MTG1: variants seen among roughly 807,000 people sequenced by gnomAD.
The protein encoded by MTG1 is mitochondrial ribosome associated GTPase 1.
A neutral mutation model predicts 39.5 loss-of-function variants in MTG1; 30 were observed. The observed-to-expected ratio is 0.76, with a 90% confidence interval of 0.57 to 1.03. The LOEUF (loss-of-function observed/expected upper bound fraction) is 1.03, where lower values mean the gene tolerates loss of function less well. Among genes scored for constraint, MTG1 ranks in the 50% least tolerant of loss-of-function variants. The pLI, the probability that MTG1 is intolerant of heterozygous loss-of-function variation, is 0.00. For missense variants in MTG1, 513 were observed against 447.4 expected, an observed-to-expected ratio of 1.15 and a Z score of -1.32; for synonymous variants, 217 against 179.0, an observed-to-expected ratio of 1.21 and a Z score of -1.69.
rs571829072 is a variant in MTG1, at chr10:133,402,619, G to A, written c.671-73G>A. On this transcript the variant is annotated intron_variant, in intron 8 of 10. Transcript: ENST00000317502. The surrounding 1 kb of genome is among the most constrained non-coding windows in gnomAD (Gnocchi z 4.7). ...CGGTGTCTTTGGGCTAGGACTGGAA[G>A]GGATGTGTTTGAACTTGGCAGGAAC... 4,163 of 1,340,342 alleles carry A rather than the reference G, an allele frequency of 3.1e-3. 7 individuals are homozygous for A. The highest frequency in any genetic ancestry group is 3.5e-3 in the Non-Finnish European group (3,327 of 960,322). 83.0% of individuals were successfully genotyped at this position (1,340,342 alleles called of 1,614,324 possible). A position where few individuals can be genotyped will look rare whatever the true frequency, so the allele number is the denominator to read the frequency against.
In MTG1 at chr10:133,419,229, G is replaced by GC. The variant is rs563778334; in HGVS notation, c.753-245dup. ...GGCAAGGGCTCCGGTGGTGGGAGCCGCCCCCCATGCTGCTGGCCGTGGCCA... is the reference window on the plus strand; with the variant it reads ...GGCAAGGGCTCCGGTGGTGGGAGCCGCCCCCCCATGCTGCTGGCCGTGGCCA... On this transcript the variant is annotated intron_variant, in intron 9 of 10. Coordinates refer to ENST00000317502, the MANE Select transcript of MTG1 (RefSeq NM_138384.4). Among the ~76,000 whole-genome samples the GC allele has an allele frequency of 3.1e-3, 475 of 152,316 alleles. 1 individual carries two copies. The highest frequency in any genetic ancestry group is 5.6e-3 in the Non-Finnish European group (381 of 68,026).
chr10:133,419,950 G>A, intron 10 of MTG1, 76 bp from the exon 11 acceptor site: 1 of 1,494,574 alleles, frequency 6.7e-7, no homozygotes, highest in Non-Finnish European at 9.1e-7. Flanking sequence ...TCTTAGGGCT[G>A]GTCCCTCAGG....
At chr10:133,409,124 TC>T (rs1001288204) in intron 9 of MTG1, among the ~76,000 whole-genome samples, 1 of 152,120 alleles carries the variant, frequency 6.6e-6, no homozygotes, top group African/African-American at 2.4e-5. Context: ...GCCTTGAGGT[TC>T]ATGGTTAGGT....
chr10:133,409,050 C>G (rs1295332221), intron 9 of MTG1, among the ~76,000 whole-genome samples: 1 of 150,480 alleles, frequency 6.6e-6, no homozygotes, highest in South Asian at 2.1e-4. Context: ...GCTCTGGTCT[C>G]CTGATCTCTG....
chr10:133,394,217 C>G lies in MTG1; in HGVS notation c.-4C>G. 1 of 1,514,496 alleles carries G rather than the reference C, an allele frequency of 6.6e-7. No homozygotes were observed. Among genetic ancestry groups the G allele is most frequent in the South Asian group, 1.2e-5 (1 of 82,054 alleles). 93.8% of individuals were successfully genotyped at this position (1,514,496 alleles called of 1,614,324 possible). On this transcript the variant is annotated 5_prime_UTR_variant, in exon 1 of 11. Transcript: ENST00000317502. ...GCGGGAGCGTTTCCGGGGACGGTGCCGCCATGAGATTGACCCCGCGCGCGC... is the reference window on the plus strand; with the variant it reads ...GCGGGAGCGTTTCCGGGGACGGTGCGGCCATGAGATTGACCCCGCGCGCGC...
Position 133,394,325 on chromosome 10 carries a change from G to A in MTG1, c.105G>A (p.Met35Ile). 3 of 1,502,170 alleles carry A rather than the reference G, an allele frequency of 2.0e-6. No individual in the cohort carries two copies. The highest frequency in any genetic ancestry group is 2.7e-6 in the Non-Finnish European group (3 of 1,129,998). 93.1% of individuals were successfully genotyped at this position (1,502,170 alleles called of 1,614,324 possible). A position where few individuals can be genotyped will look rare whatever the true frequency, so the allele number is the denominator to read the frequency against. Residue 35 changes from methionine to isoleucine, a missense_variant, in exon 1 of 11, where the codon ATG becomes ATA. Coordinates refer to ENST00000317502, the MANE Select transcript of MTG1 (RefSeq NM_138384.4). ...TGGCGCGCTGGTTCCCGGGCCACAT[G>A]GCCAAGGGTGAGGCACGGCGGGGAG... ...RDVARWFPGH[M>I]AKGLKKMQSS...
rs116886431 is a variant in MTG1, at chr10:133,404,960, G to C, written c.752+2187G>C. On this transcript the variant is annotated intron_variant, in intron 9 of 10. Transcript: ENST00000317502. ...GATTTGAAATCAGGCAGTGCTGGTAGCCCCCACTCTTCTTTGTCAAAATTG... is the reference window on the plus strand; with the variant it reads ...GATTTGAAATCAGGCAGTGCTGGTACCCCCCACTCTTCTTTGTCAAAATTG... 7.7e-3 allele frequency among the ~76,000 whole-genome samples: 1,165 copies of C among 152,276 alleles called. 8 individuals are homozygous for C. The highest frequency in any genetic ancestry group is 0.048 in the Middle Eastern group (14 of 294).
chr10:133,403,972 C>G (rs187670006), intron 9 of MTG1, among the ~76,000 whole-genome samples: 5 of 151,678 alleles, frequency 3.3e-5, no homozygotes. Context: ...GTAGGGGTGT[C>G]GCATAGCATT....
chr10:133,399,819 A>T (rs1206731467), intron 6 of MTG1, 200 bp downstream of exon 6: 2 of 483,900 alleles, frequency 4.1e-6, no homozygotes, highest in Non-Finnish European at 7.3e-6. Context: ...TCGTTCTGTG[A>T]ATTTCACACT....
intron 9 of MTG1, among the ~76,000 whole-genome samples, chr10:133,406,969 T>C (rs1849978630): frequency 6.6e-6 from 1 of 152,116 alleles, no homozygotes; most frequent in Non-Finnish European, 1.5e-5. Context: ...CCCTTTTGAT[T>C]TGGTTTTGTA....
intron 9 of MTG1, among the ~76,000 whole-genome samples, chr10:133,413,160 G>T (rs1258950807): frequency 1.3e-5 from 2 of 152,144 alleles, no homozygotes; most frequent in South Asian, 2.1e-4. Context: ...TCTCAGGCTG[G>T]AGTGCAGAGG....
At position 133,394,196 on chromosome 10, in the gene MTG1, G is replaced by C. The variant is rs773207752; in HGVS notation, c.-25G>C. The C allele has an allele frequency of 8.7e-6, 13 of 1,500,226 alleles. No individual in the cohort carries two copies. The highest frequency in any genetic ancestry group is 1.2e-5 in the Non-Finnish European group (13 of 1,124,386). 92.9% of individuals were successfully genotyped at this position (1,500,226 alleles called of 1,614,324 possible). A position where few individuals can be genotyped will look rare whatever the true frequency, so the allele number is the denominator to read the frequency against. On this transcript the variant is annotated 5_prime_UTR_variant, in exon 1 of 11. Transcript: ENST00000317502. ...GCGGCGCAGAGGAGGTCAGCTGCGG[G>C]AGCGTTTCCGGGGACGGTGCCGCCA... is the stretch of plus-strand genomic sequence containing the variant.
intron 9 of MTG1, among the ~76,000 whole-genome samples, chr10:133,419,070 G>A (rs774135040): frequency 6.6e-6 from 1 of 152,256 alleles, no homozygotes; most frequent in African/African-American, 2.4e-5. Context: ...AGCAAACAGA[G>A]TATGTTTGCA....
At chr10:133,416,538 T>A (rs56289970) in intron 9 of MTG1, among the ~76,000 whole-genome samples, 60,782 of 132,988 alleles carry the variant, frequency 0.46, 16,098 homozygotes, top group African/African-American at 0.74. Flanking sequence ...TATCTCCTAA[T>A]GCTATCCCTC....
At position 133,395,769 on chromosome 10, in the gene MTG1, G is replaced by A. The variant is rs1423239419; in HGVS notation, c.169G>A (p.Asp57Asn). 6 of 1,613,894 alleles carry A rather than the reference G, an allele frequency of 3.7e-6. No homozygotes were observed. In the African/African-American group the frequency reaches 4.0e-5, roughly 11 times the overall value. The change falls in exon 2 of 11, where the codon GAT becomes AAT. Residue 57 changes from aspartate (D) to asparagine (N), a missense_variant. By Grantham distance (23) the Asp-to-Asn change is conservative (BLOSUM62 1). Transcript: ENST00000317502. ...KLVDCIIEVHDARIPLSGRNP... is the reference protein window; with the variant it reads ...KLVDCIIEVHNARIPLSGRNP... The stretch of plus-strand genomic sequence containing the variant: ...GGTGGACTGTATCATCGAGGTCCAC[G>A]ATGCCCGGATATCCTTTCACAGAGC...
rs116785585 is a variant in MTG1 at position 133,399,459 on chromosome 10, G to C, written c.421-70G>C. On this transcript the variant is annotated intron_variant, in intron 5 of 10. Transcript: ENST00000317502. ...ACCTGGCCTGGGGTCCCCTTGCCTGGGTGGGGTTGCAGAGTCTCAGGCTCT... is the reference window on the plus strand; with the variant it reads ...ACCTGGCCTGGGGTCCCCTTGCCTGCGTGGGGTTGCAGAGTCTCAGGCTCT... 1,966 of 1,497,162 alleles carry C rather than the reference G, an allele frequency of 1.3e-3. 25 individuals are homozygous for C. The African/African-American group carries it at 0.025, about 19-fold the overall frequency. 92.7% of individuals were successfully genotyped at this position (1,497,162 alleles called of 1,614,324 possible). A position where few individuals can be genotyped will look rare whatever the true frequency, so the allele number is the denominator to read the frequency against.
chr10:133,396,619 CAT>C (rs984008429), intron 3 of MTG1, among the ~76,000 whole-genome samples: 4 of 152,112 alleles, frequency 2.6e-5, no homozygotes, highest in African/African-American at 7.2e-5. Context: ...TGTAATAAAA[CAT>C]ATGAAATAAG....
At position 133,418,116 on chromosome 10, in the gene MTG1, G is replaced by A. The variant is rs868135689; in HGVS notation, c.753-1364G>A. On this transcript the variant is annotated intron_variant, in intron 9 of 10. Coordinates refer to ENST00000317502, the MANE Select transcript of MTG1 (RefSeq NM_138384.4). ...CCTCCTGGGTTCAAGCGATTCTCCC[G>A]CCTTAGCCTCCCAAGTAGCTGGGAT... Among the ~76,000 whole-genome samples the A allele has an allele frequency of 3.3e-5, 5 of 152,116 alleles. No individual in the cohort carries two copies. The East Asian group carries it at 5.8e-4, about 18-fold the overall frequency.
chr10:133,417,736 A>G (rs1424980138), intron 9 of MTG1, among the ~76,000 whole-genome samples: 1 of 152,248 alleles, frequency 6.6e-6, no homozygotes, highest in Non-Finnish European at 1.5e-5. Context: ...CACCAATAAC[A>G]GACAAACAGC....
Sources: allele counts gnomAD v4.1 joint callset (sites outside exome capture counted in the v4.1 genomes callset), GRCh38; gene constraint gnomAD v4.1.1; non-coding constraint Gnocchi (gnomAD v3.1); transcripts MANE v1.5; gene names NCBI Gene and HGNC (gene_info 2026-07-23, HGNC 2026-07-21).